The following PCDHGA3 variants were observed in gnomAD, a reference collection of about 807,000 sequenced individuals.
The protein encoded by PCDHGA3 is protocadherin gamma-A3.
PCDHGA3 carries 40 observed loss-of-function variants against 58.5 expected under a neutral mutation model. That is an observed-to-expected ratio of 0.68 (90% CI 0.53 to 0.89). The LOEUF (loss-of-function observed/expected upper bound fraction) is 0.89. Ranked by LOEUF, PCDHGA3 falls within the 40% of genes least tolerant of loss-of-function variation. The pLI is 0.00. For missense variants in PCDHGA3, 1,223 were observed against 1,195.9 expected (o/e 1.02, Z -0.33); for synonymous variants, 530 against 525.7 (o/e 1.01, Z -0.11).
chr5:141,374,955 T>C (rs1213878932), intron 1 of PCDHGA3: 2 of 1,613,888 alleles, frequency 1.2e-6, no homozygotes. Flanking sequence ...ATCTCACAAA[T>C]TTTCTGTTTG....
rs1588456766 is a variant in PCDHGA3 at position 141,343,856 on chromosome 5, G to C, written c.-178G>C. The C allele has an allele frequency of 1.8e-6, 1 of 548,316 alleles. No homozygotes were observed. 34.0% of individuals were successfully genotyped at this position (548,316 alleles called of 1,614,324 possible). A position where few individuals can be genotyped will look rare whatever the true frequency, so the allele number is the denominator to read the frequency against. On this transcript the variant is annotated 5_prime_UTR_variant, in exon 1 of 4. Coordinates refer to ENST00000253812, the MANE Select transcript of PCDHGA3 (RefSeq NM_018916.4). ...CATTTCCTTGCTCCTAAAATGCAAA[G>C]AACCAGCAAATCAGACTCAGAAGAT... is the stretch of plus-strand genomic sequence containing the variant.
chr5:141,353,491 T>A (rs2149775371), intron 1 of PCDHGA3, among the ~76,000 whole-genome samples: 1 of 152,328 alleles, frequency 6.6e-6, no homozygotes, highest in Non-Finnish European at 1.5e-5. Flanking sequence ...TAACACTTTG[T>A]CTCATCACAA....
At chr5:141,461,409 A>G (rs572412049) in intron 1 of PCDHGA3, among the ~76,000 whole-genome samples, 1 of 151,928 alleles carries the variant, frequency 6.6e-6, no homozygotes, top group East Asian at 1.9e-4. Flanking sequence ...GCATTTTTTC[A>G]TATGTTTGTG....
At chr5:141,370,972 A>G in intron 1 of PCDHGA3, 1 of 1,614,000 alleles carries the variant, frequency 6.2e-7, no homozygotes, top group Non-Finnish European at 8.5e-7. Context: ...AGGTACCCAG[A>G]GCTAGTACTG....
In PCDHGA3 at chr5:141,350,450, C is replaced by T. The variant is rs774172640; in HGVS notation, c.2424+3993C>T. On this transcript the variant is annotated intron_variant, in intron 1 of 3. Coordinates refer to ENST00000253812, the MANE Select transcript of PCDHGA3 (RefSeq NM_018916.4). ...TGTCCGGGAGTTGCCAACTCGAAAA[C>T]TGCGGGTTAGTGCAGAGGATTATTT... The T allele has an allele frequency of 8.7e-6, 14 of 1,611,902 alleles. No individual in the cohort carries two copies. The South Asian group carries it at 1.3e-4, about 15-fold the overall frequency.
At chr5:141,445,342 T>C (rs1026595756) in intron 1 of PCDHGA3, among the ~76,000 whole-genome samples, 4 of 152,202 alleles carry the variant, frequency 2.6e-5, no homozygotes, top group African/African-American at 9.6e-5. Flanking sequence ...ACAGTAAACA[T>C]TGGTGTCTGC....
intron 1 of PCDHGA3, among the ~76,000 whole-genome samples, chr5:141,471,039 A>G (rs1175460270): frequency 7.2e-6 from 1 of 137,964 alleles, no homozygotes; most frequent in Non-Finnish European, 1.5e-5. Context: ...TAACAAGCCC[A>G]AGCCCTCTTT....
chr5:141,454,796 ATTTTTTTTTT>A (rs61612330), intron 1 of PCDHGA3, among the ~76,000 whole-genome samples: 11 of 77,458 alleles, frequency 1.4e-4, no homozygotes, highest in East Asian at 8.0e-4. Flanking sequence ...CATGGTTCTA[ATTTTTTTTTT>A]TTTTTTTTTT....
chr5:141,356,952 C>T (rs370594218), intron 1 of PCDHGA3: 31 of 1,614,236 alleles, frequency 1.9e-5, no homozygotes, highest in African/African-American at 1.7e-4. Flanking sequence ...CCGCAGATTC[C>T]GGCTACCTGG....
At chr5:141,416,620 G>T (rs1395913352) in intron 1 of PCDHGA3, 1 of 152,142 alleles carries the variant, frequency 6.6e-6, no homozygotes, top group Non-Finnish European at 1.5e-5. Flanking sequence ...CATTTCTGCA[G>T]ATCAGAATAT....
In PCDHGA3 at chr5:141,344,573, G is replaced by A. The variant is rs1757437719; in HGVS notation, c.540G>A (p.Leu180=). Residue 180 remains leucine, a synonymous_variant, in exon 1 of 4, where the codon CTG becomes CTA. Coordinates refer to ENST00000253812, the MANE Select transcript of PCDHGA3 (RefSeq NM_018916.4). ...YKLSPNDYFS[L]AVNSVSEGAK... is the part of the protein sequence containing the mutation. ...TTAGCCCCAATGACTACTTCTCTCT[G>A]GCTGTGAATAGCGTCTCTGAGGGGG... 6 of 1,613,962 alleles carry A rather than the reference G, an allele frequency of 3.7e-6. No homozygotes were observed. The East Asian group carries it at 1.3e-4, about 36-fold the overall frequency.
At chr5:141,357,792 C>T in intron 1 of PCDHGA3, 3 of 822,618 alleles carry the variant, frequency 3.6e-6, no homozygotes, top group Non-Finnish European at 5.6e-6. Context: ...GTATTTACCA[C>T]ACAAAAATGT....
At chr5:141,438,232 GT>G (rs531572606) in intron 1 of PCDHGA3, among the ~76,000 whole-genome samples, 207 of 152,154 alleles carry the variant, frequency 1.4e-3, no homozygotes, top group Middle Eastern at 0.01. Flanking sequence ...TCAGGAAAAT[GT>G]TTTTAAAAAA....
chr5:141,354,642 T>C (rs554311195), intron 1 of PCDHGA3, among the ~76,000 whole-genome samples: 1 of 152,322 alleles, frequency 6.6e-6, no homozygotes, highest in South Asian at 2.1e-4. Flanking sequence ...GTCTCATCCA[T>C]TTTTCAAGTC....
chr5:141,430,048 A>G (rs2097258677), intron 1 of PCDHGA3, among the ~76,000 whole-genome samples: 1 of 152,222 alleles, frequency 6.6e-6, no homozygotes, highest in African/African-American at 2.4e-5. Flanking sequence ...AATGTATACA[A>G]TCACATATCA....
intron 1 of PCDHGA3, chr5:141,362,075 G>A (rs533999436): frequency 5.6e-6 from 9 of 1,612,846 alleles, no homozygotes; most frequent in Non-Finnish European, 7.6e-6. Context: ...GTCGCTGTGC[G>A]TGATGGAGGA....
At position 141,389,010 on chromosome 5, in the gene PCDHGA3, C is replaced by G. The variant is rs141101630; in HGVS notation, c.2424+42553C>G. ...CAAAGTCCGTGACAAGGATTCCAGA[C>G]ACAATGGAGAAGTGACTTGTAAATT... On this transcript the variant is annotated intron_variant, in intron 1 of 3. Transcript: ENST00000253812. 227 of 1,613,980 alleles carry G rather than the reference C, an allele frequency of 1.4e-4. 1 individual carries two copies. In the African/African-American group the frequency reaches 2.6e-3, roughly 18 times the overall value.
At position 141,491,700 on chromosome 5, in the gene PCDHGA3, G is replaced by A. The variant is rs1199177466; in HGVS notation, c.2425-3107G>A. 3.1e-6 allele frequency: 5 copies of A among 1,611,830 alleles called. No homozygotes were observed. The highest frequency in any genetic ancestry group is 4.2e-6 in the Non-Finnish European group (5 of 1,179,142). On this transcript the variant is annotated intron_variant, in intron 1 of 3. Coordinates refer to ENST00000253812, the MANE Select transcript of PCDHGA3 (RefSeq NM_018916.4). The surrounding 1 kb of genome is among the most constrained non-coding windows in gnomAD (Gnocchi z 6.9). ...CTAATACGCTGCGGGAGCGGAGCCA[G>A]GTGAGGGGCTCGGCGCCGCCCCGGG...
At chr5:141,381,826 C>CTTTTTTTTTTTTTTTT (rs770630741) in intron 1 of PCDHGA3, among the ~76,000 whole-genome samples, 8 of 74,282 alleles carry the variant, frequency 1.1e-4, no homozygotes, top group African/African-American at 1.9e-4. Flanking sequence ...CTTTCTTCTT[C>CTTTTTTTTTTTTTTTT]TTTTTTTTTT....
Sources: gnomAD v4.1 joint callset for allele counts (sites outside exome capture counted in the v4.1 genomes callset) on GRCh38, gnomAD v4.1.1 for gene constraint, Gnocchi (gnomAD v3.1) non-coding constraint, MANE v1.5 for transcripts, NCBI Gene and HGNC (gene_info 2026-07-23, HGNC 2026-07-21) for gene names.